DAB1: variants seen among roughly 807,000 people sequenced by gnomAD.
The protein encoded by DAB1 is DAB adaptor protein 1, also known as disabled homolog 1.
Under a neutral mutation model 64.6 loss-of-function variants are expected in DAB1, and 15 were observed. The ratio of observed to expected loss-of-function variants is 0.23; its 90% CI spans 0.16 to 0.36. The LOEUF (loss-of-function observed/expected upper bound fraction) is 0.36. Among genes scored for constraint, DAB1 ranks in the 10% least tolerant of loss-of-function variants. The probability of loss-of-function intolerance (pLI) is 1.00; values close to 1 mark genes in which losing one functional copy is unlikely to be tolerated. For missense variants in DAB1, 596 were observed against 706.7 expected (o/e 0.84, Z 1.78); for synonymous variants, 235 against 251.9 (o/e 0.93, Z 0.64).
At chr1:58,110,766 A>G (rs1651924607) in intron 5 of DAB1, among the ~76,000 whole-genome samples, 1 of 152,244 alleles carries the variant, frequency 6.6e-6, no homozygotes, top group Non-Finnish European at 1.5e-5. Context: ...CTTAGAATAT[A>G]AAATCTTTCT....
chr1:57,238,860 TACACACACACACACAC>T (rs1281270538), intron 2 of DAB1, among the ~76,000 whole-genome samples: 3 of 133,948 alleles, frequency 2.2e-5, no homozygotes, highest in Admixed American at 1.5e-4. Context: ...CACACACACA[TACACACACACACACAC>T]ACACACACAC....
At chr1:58,247,775 A>T (rs1183744861) in intron 4 of DAB1, among the ~76,000 whole-genome samples, 1 of 141,696 alleles carries the variant, frequency 7.1e-6, no homozygotes, top group African/African-American at 2.7e-5. Context: ...CCTTCTCCTC[A>T]CCACCACCCT....
At chr1:57,561,145 C>A (rs1321500254) in intron 7 of DAB1, among the ~76,000 whole-genome samples, 1 of 152,164 alleles carries the variant, frequency 6.6e-6, no homozygotes, top group East Asian at 1.9e-4. Context: ...TCCTCTCCCC[C>A]AGCCTGCACC....
chr1:57,484,259 G>A (rs1388537676), intron 7 of DAB1, among the ~76,000 whole-genome samples: 1 of 152,140 alleles, frequency 6.6e-6, no homozygotes, highest in Non-Finnish European at 1.5e-5. Context: ...TCAGTCCCCT[G>A]GATTGATTTA....
At chr1:58,238,320 T>C (rs979450033) in intron 4 of DAB1, among the ~76,000 whole-genome samples, 1 of 152,184 alleles carries the variant, frequency 6.6e-6, no homozygotes, top group Non-Finnish European at 1.5e-5. Flanking sequence ...GATGCTTCCA[T>C]CATGAACGGT....
intron 5 of DAB1, among the ~76,000 whole-genome samples, chr1:58,101,179 T>G (rs1651296202): frequency 6.6e-6 from 1 of 152,078 alleles, no homozygotes; most frequent in Non-Finnish European, 1.5e-5. Context: ...TAGCCGGGCA[T>G]GGTGGTGGGC....
intron 5 of DAB1, among the ~76,000 whole-genome samples, chr1:58,139,119 TAGAG>T (rs905192816): frequency 6.6e-6 from 1 of 152,062 alleles, no homozygotes; most frequent in Admixed American, 6.5e-5. Flanking sequence ...CATTTCTAGG[TAGAG>T]AGACCAGAGC....
chr1:57,298,445 A>G (rs1207617126), intron 1 of DAB1, among the ~76,000 whole-genome samples: 1 of 152,222 alleles, frequency 6.6e-6, no homozygotes, highest in African/African-American at 2.4e-5. Context: ...GTGATAGGAC[A>G]TATTCCTAGC....
chr1:57,566,293 T>C (rs1317507468), intron 7 of DAB1, among the ~76,000 whole-genome samples: 1 of 152,214 alleles, frequency 6.6e-6, no homozygotes, highest in Non-Finnish European at 1.5e-5. Flanking sequence ...GAGGGAAATT[T>C]ATAGCACTAA....
At chr1:58,257,059 C>G (rs1035766030) in intron 4 of DAB1, among the ~76,000 whole-genome samples, 12 of 152,222 alleles carry the variant, frequency 7.9e-5, no homozygotes, top group South Asian at 4.1e-4. Flanking sequence ...AATAAGCATT[C>G]ACTGAATTAT....
chr1:57,499,538 T>G (rs1051599032), intron 7 of DAB1, among the ~76,000 whole-genome samples: 1 of 152,200 alleles, frequency 6.6e-6, no homozygotes, highest in African/African-American at 2.4e-5. Context: ...GAAGTGACCC[T>G]GCCGTGCAGG....
chr1:58,464,754 C>T (rs1435040447), intron 3 of DAB1, among the ~76,000 whole-genome samples: 2 of 152,176 alleles, frequency 1.3e-5, no homozygotes, highest in Non-Finnish European at 1.5e-5. Context: ...CTCAGGCAGG[C>T]TTCTTGGAGG....
At chr1:58,302,678 C>A (rs1019435964) in intron 4 of DAB1, among the ~76,000 whole-genome samples, 1 of 151,908 alleles carries the variant, frequency 6.6e-6, no homozygotes, top group Non-Finnish European at 1.5e-5. Context: ...TCTTCACTTT[C>A]TCATCTGTCA....
chr1:58,043,750 C>T (rs1223896088), intron 5 of DAB1, among the ~76,000 whole-genome samples: 2 of 151,546 alleles, frequency 1.3e-5, no homozygotes, highest in African/African-American at 2.4e-5. Flanking sequence ...TTTTTTAAGA[C>T]GGAGTCTTGC....
chr1:58,336,977 G>A (rs894123181), intron 4 of DAB1, among the ~76,000 whole-genome samples: 1 of 152,070 alleles, frequency 6.6e-6, no homozygotes, highest in Admixed American at 6.6e-5. Context: ...AAAAGCAAAT[G>A]CCAGGTGTGG....
At chr1:58,004,405 A>G (rs139719759) in intron 5 of DAB1, among the ~76,000 whole-genome samples, 103 of 152,262 alleles carry the variant, frequency 6.8e-4, no homozygotes, top group African/African-American at 2.3e-3. Context: ...CACTTAGTTT[A>G]CCTGAAAATC....
intron 7 of DAB1, among the ~76,000 whole-genome samples, chr1:57,504,709 G>A (rs1168300085): frequency 6.6e-6 from 1 of 152,136 alleles, no homozygotes; most frequent in East Asian, 1.9e-4. Flanking sequence ...ATGGAAAGGG[G>A]GTGAACATAG....
At chr1:57,478,747 C>A (rs1369389058) in intron 7 of DAB1, among the ~76,000 whole-genome samples, 1 of 151,710 alleles carries the variant, frequency 6.6e-6, no homozygotes, top group Non-Finnish European at 1.5e-5. Flanking sequence ...TGCGTGCCAC[C>A]ATGCCCAGCT....
At chr1:58,092,161 C>G (rs1570342237) in intron 5 of DAB1, among the ~76,000 whole-genome samples, 1 of 151,812 alleles carries the variant, frequency 6.6e-6, no homozygotes. Context: ...ATGGTGAAAC[C>G]CTGTCTCTAC....
Sources: gnomAD v4.1 joint callset for allele counts (sites outside exome capture counted in the v4.1 genomes callset) on GRCh38, gnomAD v4.1.1 for gene constraint, MANE v1.5 for transcripts, NCBI Gene and HGNC (gene_info 2026-07-23, HGNC 2026-07-21) for gene names.